PDLIM5: variants seen among roughly 807,000 people sequenced by gnomAD.
PDLIM5 encodes PDZ and LIM domain protein 5.
A neutral mutation model predicts 64.2 loss-of-function variants in PDLIM5; 34 were observed. The ratio of observed to expected loss-of-function variants is 0.53; its 90% CI spans 0.40 to 0.71. PDLIM5 has a LOEUF of 0.71. Ranked by LOEUF, PDLIM5 falls within the 30% of genes least tolerant of loss-of-function variation. The probability of loss-of-function intolerance (pLI) is 0.00; values close to 1 mark genes in which losing one functional copy is unlikely to be tolerated. For synonymous variants in PDLIM5, 253 were observed against 269.1 expected, an observed-to-expected ratio of 0.94 and a Z score of 0.59; for missense variants, 683 against 733.6, an observed-to-expected ratio of 0.93 and a Z score of 0.80.
At chr4:94,477,008 G>A (rs1056168977) in intron 2 of PDLIM5, among the ~76,000 whole-genome samples, 11 of 152,228 alleles carry the variant, frequency 7.2e-5, no homozygotes, top group Admixed American at 4.6e-4. Flanking sequence ...TTCTATGATC[G>A]TTAATATTTT....
chr4:94,485,848 T>TG (rs1726273384), intron 2 of PDLIM5, among the ~76,000 whole-genome samples: 1 of 68,082 alleles, frequency 1.5e-5, no homozygotes, highest in Non-Finnish European at 3.0e-5. Flanking sequence ...AGACTCCGTC[T>TG]CAAAAAAAAA....
chr4:94,586,104 A>G lies in PDLIM5; in HGVS notation c.884-304A>G, dbSNP rs554523212. On this transcript the variant is annotated intron_variant, in intron 6 of 12. Coordinates refer to ENST00000317968, the MANE Select transcript of PDLIM5 (RefSeq NM_006457.5). ...AGAATCATTTGAACCGGGGAGGCAGAGATTGCAGTGAGCTGAGATCACGCC... is the reference window on the plus strand; with the variant it reads ...AGAATCATTTGAACCGGGGAGGCAGGGATTGCAGTGAGCTGAGATCACGCC... Among the ~76,000 whole-genome samples, 38 of 152,268 alleles carry G rather than the reference A, an allele frequency of 2.5e-4. No individual in the cohort carries two copies. The South Asian group carries it at 7.7e-3, about 31-fold the overall frequency.
intron 3 of PDLIM5, among the ~76,000 whole-genome samples, chr4:94,554,614 A>G (rs1733100036): frequency 6.6e-6 from 1 of 152,376 alleles, no homozygotes; most frequent in East Asian, 1.9e-4. Flanking sequence ...GCTATTCAGT[A>G]TACAATCACG....
rs1743153330 is a variant in PDLIM5, at chr4:94,667,849, T to C, written c.*3782T>C. The C allele has an allele frequency of 6.6e-6, 1 of 152,164 alleles. No homozygotes were observed. 9.4% of individuals were successfully genotyped at this position (152,164 alleles called of 1,614,324 possible). A position where few individuals can be genotyped will look rare whatever the true frequency, so the allele number is the denominator to read the frequency against. On this transcript the variant is annotated 3_prime_UTR_variant, in exon 13 of 13. Coordinates refer to ENST00000317968, the MANE Select transcript of PDLIM5 (RefSeq NM_006457.5). ...CCCTTTTATAGAAAATAATTTCTTC[T>C]TTACCCCCGTTCCAGTGTGAATCTA...
In PDLIM5 at chr4:94,523,828, G is replaced by C. The variant is rs1450013572; in HGVS notation, c.201G>C (p.Gln67His). The change falls in exon 3 of 13, where the codon CAG becomes CAC. Residue 67 changes from glutamine to histidine, a missense_variant. Transcript: ENST00000317968. Reference sequence around the variant, plus strand: ...AAGGAATGACTCATCTTGAAGCCCAGAATAAGATTAAGGGTTGTACAGGCT... The same window carrying C: ...AAGGAATGACTCATCTTGAAGCCCACAATAAGATTAAGGGTTGTACAGGCT... The part of the protein sequence containing the change: ...NAQGMTHLEA[Q>H]NKIKGCTGSL... 1 of 1,612,984 alleles carries C rather than the reference G, an allele frequency of 6.2e-7. No individual in the cohort carries two copies. The highest frequency in any genetic ancestry group is 1.6e-4 in the Middle Eastern group (1 of 6,062).
intron 2 of PDLIM5, among the ~76,000 whole-genome samples, chr4:94,504,382 G>A (rs1163385582): frequency 6.6e-6 from 1 of 152,030 alleles, no homozygotes; most frequent in African/African-American, 2.4e-5. Context: ...CCGCTCCCGG[G>A]TTCAAGCAAT....
chr4:94,640,980 T>C (rs141127243), intron 9 of PDLIM5, among the ~76,000 whole-genome samples: 38 of 152,308 alleles, frequency 2.5e-4, no homozygotes, highest in African/African-American at 8.7e-4. Flanking sequence ...TTAAAATACG[T>C]TTTATCCCAA....
In PDLIM5 at chr4:94,657,462, T is replaced by C; in HGVS notation, c.1500T>C (p.Val500=). The stretch of plus-strand genomic sequence containing the variant: ...GTGCGTTGAAACAAACTTGGCATGT[T>C]TCCTGTTTTGTGTGTGTAGCCTGTG... ...VISALKQTWH[V]SCFVCVACGK... is the part of the protein sequence containing the mutation. The change falls in exon 11 of 13, where the codon GTT becomes GTC. Residue 500 remains valine, a synonymous_variant. Coordinates refer to ENST00000317968, the MANE Select transcript of PDLIM5 (RefSeq NM_006457.5). 1 of 1,606,428 alleles carries C rather than the reference T, an allele frequency of 6.2e-7. No individual in the cohort carries two copies. The highest frequency in any genetic ancestry group is 1.7e-4 in the Middle Eastern group (1 of 6,038).
chr4:94,556,615 A>G (rs985440478), intron 3 of PDLIM5, among the ~76,000 whole-genome samples: 3 of 152,080 alleles, frequency 2.0e-5, no homozygotes, highest in Non-Finnish European at 1.5e-5. Context: ...GTGTGAGATG[A>G]TATCTCATTG....
chr4:94,562,763 T>C (rs2110244418), intron 3 of PDLIM5, among the ~76,000 whole-genome samples: 1 of 152,324 alleles, frequency 6.6e-6, no homozygotes, highest in African/African-American at 2.4e-5. Flanking sequence ...TTAATTCTCT[T>C]GGGAATTTAA....
intron 8 of PDLIM5, among the ~76,000 whole-genome samples, chr4:94,629,506 A>G (rs1739973239): frequency 1.3e-5 from 2 of 152,190 alleles, no homozygotes; most frequent in South Asian, 2.1e-4. Flanking sequence ...AGTTTTCTAT[A>G]TAAGATCAGC....
chr4:94,556,691 C>T (rs1195048812), intron 3 of PDLIM5, among the ~76,000 whole-genome samples: 1 of 152,132 alleles, frequency 6.6e-6, no homozygotes, highest in Non-Finnish European at 1.5e-5. Flanking sequence ...CTGTTGGCTG[C>T]GTAAATGTCT....
At chr4:94,617,943 G>A in intron 7 of PDLIM5, 61 bp from the exon 8 acceptor site, 1 of 841,664 alleles carries the variant, frequency 1.2e-6, no homozygotes, top group Non-Finnish European at 1.8e-6. Flanking sequence ...GAAAAGAAAG[G>A]ATTATTGCTG....
Position 94,639,015 on chromosome 4 carries a change from A to G in PDLIM5, c.1109-1261A>G, listed in dbSNP as rs115964327. 7.7e-3 allele frequency among the ~76,000 whole-genome samples: 1,166 copies of G among 152,300 alleles called. 13 individuals are homozygous for G. The highest frequency in any genetic ancestry group is 0.026 in the African/African-American group (1,081 of 41,564). On this transcript the variant is annotated intron_variant, in intron 8 of 12. Coordinates refer to ENST00000317968, the MANE Select transcript of PDLIM5 (RefSeq NM_006457.5). ...AAGAGAAACATTTAATCCAGATTAT[A>G]TGGAGAGCGTTGGGGAGAAATGTAA...
intron 9 of PDLIM5, among the ~76,000 whole-genome samples, chr4:94,651,732 A>G (rs1185767225): frequency 6.6e-6 from 1 of 152,200 alleles, no homozygotes; most frequent in Non-Finnish European, 1.5e-5. Flanking sequence ...GAAAAGCATA[A>G]TAGTTCTTGC....
intron 2 of PDLIM5, among the ~76,000 whole-genome samples, chr4:94,516,333 A>G (rs1377645752): frequency 1.3e-5 from 2 of 152,224 alleles, no homozygotes; most frequent in Non-Finnish European, 2.9e-5. Flanking sequence ...TTTGAGTAAA[A>G]TTGGCATAAC....
At chr4:94,519,517 T>C (rs1729648810) in intron 2 of PDLIM5, among the ~76,000 whole-genome samples, 1 of 152,316 alleles carries the variant, frequency 6.6e-6, no homozygotes, top group African/African-American at 2.4e-5. Context: ...CTTCAAAGCC[T>C]GTGCTCAGTA....
intron 2 of PDLIM5, among the ~76,000 whole-genome samples, chr4:94,512,061 C>T (rs541026943): frequency 6.6e-6 from 1 of 151,838 alleles, no homozygotes; most frequent in South Asian, 2.1e-4. Context: ...TGTTGTGTCA[C>T]CTAGGCTGGA....
At chr4:94,575,207 A>G (rs1318638841) in intron 4 of PDLIM5, among the ~76,000 whole-genome samples, 1 of 152,174 alleles carries the variant, frequency 6.6e-6, no homozygotes, top group Non-Finnish European at 1.5e-5. Context: ...AAAGATGGAA[A>G]GATGGGCTTT....
Sources: allele counts gnomAD v4.1 joint callset (sites outside exome capture counted in the v4.1 genomes callset), GRCh38; gene constraint gnomAD v4.1.1; transcripts MANE v1.5; gene names NCBI Gene and HGNC (gene_info 2026-07-23, HGNC 2026-07-21).